The following SHROOM2 variants were observed in gnomAD, a reference collection of about 807,000 sequenced individuals.
SHROOM2 encodes the protein shroom family member 2.
SHROOM2 carries 33 observed loss-of-function variants against 75.9 expected under a neutral mutation model. The ratio of observed to expected loss-of-function variants is 0.43; its 90% confidence interval spans 0.33 to 0.58. SHROOM2 has a LOEUF of 0.58. Among genes scored for constraint, SHROOM2 ranks in the 20% least tolerant of loss-of-function variants. The pLI is 0.04. For missense variants in SHROOM2, 1,434 were observed against 1,461.2 expected (o/e 0.98, Z 0.30); for synonymous variants, 655 against 663.6 (o/e 0.99, Z 0.20).
At chrX:9,881,885 ATCT>A (rs753899871) in intron 2 of SHROOM2, among the ~76,000 whole-genome samples, 4 of 112,489 alleles carry the variant, frequency 3.6e-5, no homozygotes, top group African/African-American at 1.3e-4. Context: ...TATGAAGAGT[ATCT>A]TCTTAACTCT....
intron 1 of SHROOM2, among the ~76,000 whole-genome samples, chrX:9,861,946 C>A (rs5934706): frequency 0.5 from 55,165 of 110,232 alleles, 11,635 homozygotes; most frequent in Non-Finnish European, 0.67. Flanking sequence ...CAGCCAGGAT[C>A]TAGTTAGGAG....
At chrX:9,790,634 G>A (rs2083642421) in intron 1 of SHROOM2, among the ~76,000 whole-genome samples, 1 of 111,336 alleles carries the variant, frequency 9.0e-6, no homozygotes, top group African/African-American at 3.3e-5. Flanking sequence ...ACTTTTTGAT[G>A]CCAGCTACCA....
Position 9,854,273 on chromosome X carries a change from T to C in SHROOM2, c.166-19379T>C, listed in dbSNP as rs1035559496. On this transcript the variant is annotated intron_variant, in intron 1 of 9. Coordinates refer to ENST00000380913, the MANE Select transcript of SHROOM2 (RefSeq NM_001649.4). The stretch of plus-strand genomic sequence containing the variant: ...TGCCACTCAAACCTGTGATTGCCAG[T>C]TTAGGAGAGGCTTTGCCTCTTGGGC... Among the ~76,000 whole-genome samples the C allele has an allele frequency of 1.7e-4, 19 of 112,322 alleles. No homozygotes were observed. The South Asian group carries it at 1.9e-3, about 11-fold the overall frequency.
At chrX:9,839,053 G>T (rs1270765089) in intron 1 of SHROOM2, among the ~76,000 whole-genome samples, 3 of 111,045 alleles carry the variant, frequency 2.7e-5, no homozygotes, top group African/African-American at 9.8e-5. Flanking sequence ...GAGAGCTGGG[G>T]GTATGAAAGG....
At chrX:9,910,986 A>G (rs1177484626) in intron 5 of SHROOM2, among the ~76,000 whole-genome samples, 1 of 110,836 alleles carries the variant, frequency 9.0e-6, no homozygotes, top group Non-Finnish European at 1.9e-5. Context: ...ACCCAGCCCT[A>G]TAATAAAATA....
intron 5 of SHROOM2, among the ~76,000 whole-genome samples, chrX:9,899,471 C>T (rs1076167): frequency 0.52 from 56,979 of 110,176 alleles, 12,091 homozygotes; most frequent in South Asian, 0.69. Context: ...TAAACACTGA[C>T]CTCAAAACTC....
chrX:9,903,574 C>T lies in SHROOM2; in HGVS notation c.2891+5284C>T, dbSNP rs181513440. On this transcript the variant is annotated intron_variant, in intron 5 of 9. Coordinates refer to ENST00000380913, the MANE Select transcript of SHROOM2 (RefSeq NM_001649.4). ...GATGTTGTTTTTTGAGACAGGGTCT[C>T]GCCCTGTCACCCAGGCTGGAGTGCA... is the stretch of plus-strand genomic sequence containing the variant. Among the ~76,000 whole-genome samples, 223 of 111,429 alleles carry T rather than the reference C, an allele frequency of 2.0e-3. 1 individual carries two copies. The highest frequency in any genetic ancestry group is 0.016 in the Admixed American group (168 of 10,548).
rs781713600 is a variant in SHROOM2 at position 9,932,704 on chromosome X, G to A, written c.3421G>A (p.Gly1141Arg). 3.6e-5 allele frequency: 44 copies of A among 1,209,885 alleles called. No homozygotes were observed. Among genetic ancestry groups the A allele is most frequent in the Non-Finnish European group, 4.6e-5 (41 of 895,236 alleles). The change falls in exon 6 of 10, where the codon GGG becomes AGG. Residue 1141 changes from glycine to arginine, a missense_variant. By Grantham distance (125) the Gly-to-Arg change is moderately radical (BLOSUM62 -2). This residue lies in a region of SHROOM2 where 1,340 missense variants were observed against 1,338.3 expected (regional missense o/e 1.00). Coordinates refer to ENST00000380913, the MANE Select transcript of SHROOM2 (RefSeq NM_001649.4). ...TGAGCGTGGAAGCCAGCATGTGAGCGGGGACGCATCACGTCCTCTGCCAGA... is the reference window on the plus strand; with the variant it reads ...TGAGCGTGGAAGCCAGCATGTGAGCAGGGACGCATCACGTCCTCTGCCAGA... ...VCERGSQHVS[G>R]DASRPLPEAL...
intron 1 of SHROOM2, among the ~76,000 whole-genome samples, chrX:9,797,893 CTTGGTTAAAATGCAAATG>C (rs1023300624): frequency 1.8e-5 from 2 of 112,103 alleles, no homozygotes; most frequent in African/African-American, 6.5e-5. Context: ...CTTTAACTGC[CTTGGTTAAAATGCAAATG>C]TTGCCTGGGA....
At chrX:9,804,674 G>A (rs1834689296) in intron 1 of SHROOM2, among the ~76,000 whole-genome samples, 1 of 111,331 alleles carries the variant, frequency 9.0e-6, no homozygotes, top group African/African-American at 3.3e-5. Context: ...GAGCTGGTGG[G>A]TGCAGCTGTC....
chrX:9,787,992 CTT>C (rs58004470), intron 1 of SHROOM2, among the ~76,000 whole-genome samples: 20 of 84,164 alleles, frequency 2.4e-4, no homozygotes, highest in Admixed American at 6.7e-4. Context: ...TTTCTTTCTT[CTT>C]TTTTTTTTTT....
intron 1 of SHROOM2, among the ~76,000 whole-genome samples, chrX:9,836,326 A>C (rs1020956030): frequency 8.9e-6 from 1 of 111,738 alleles, no homozygotes; most frequent in Non-Finnish European, 1.9e-5. Flanking sequence ...GCAGGGCCTC[A>C]GAGATTGCTG....
chrX:9,939,584 G>T (rs1024455002), intron 8 of SHROOM2, among the ~76,000 whole-genome samples: 4 of 112,007 alleles, frequency 3.6e-5, no homozygotes, highest in African/African-American at 1.3e-4. Context: ...ACGTCTCTTT[G>T]CTGTTTCAAT....
At chrX:9,860,472 G>A (rs771768493) in intron 1 of SHROOM2, among the ~76,000 whole-genome samples, 15 of 111,460 alleles carry the variant, frequency 1.3e-4, no homozygotes, top group Non-Finnish European at 2.6e-4. Flanking sequence ...CACCCAGGCT[G>A]CAGTGCAGTG....
At chrX:9,848,959 C>G (rs902003217) in intron 1 of SHROOM2, among the ~76,000 whole-genome samples, 1 of 111,689 alleles carries the variant, frequency 9.0e-6, no homozygotes, top group Non-Finnish European at 1.9e-5. Context: ...ACCGTCCACT[C>G]AGGTAAACAT....
Position 9,854,837 on chromosome X carries a change from G to T in SHROOM2, c.166-18815G>T, listed in dbSNP as rs188875487. Among the ~76,000 whole-genome samples, 299 of 110,169 alleles carry T rather than the reference G, an allele frequency of 2.7e-3. 3 individuals are homozygous for T. Among genetic ancestry groups the T allele is most frequent in the East Asian group, 0.02 (69 of 3,485 alleles). ...AGGAGAAACAGAAACACGGGAGTTG[G>T]GCCTTATTGCAGACTCCTCCTCGGT... On this transcript the variant is annotated intron_variant, in intron 1 of 9. Transcript: ENST00000380913.
At chrX:9,841,213 C>T (rs1342590550) in intron 1 of SHROOM2, among the ~76,000 whole-genome samples, 1 of 110,475 alleles carries the variant, frequency 9.1e-6, no homozygotes, top group African/African-American at 3.3e-5. Flanking sequence ...GCCTCGGCCT[C>T]CCAAAGTGCT....
At chrX:9,873,165 T>G (rs1439311527) in intron 1 of SHROOM2, among the ~76,000 whole-genome samples, 2 of 111,897 alleles carry the variant, frequency 1.8e-5, no homozygotes, top group Non-Finnish European at 3.8e-5. Context: ...AAGGTTTCTT[T>G]CGGGGTTAGG....
intron 1 of SHROOM2, among the ~76,000 whole-genome samples, chrX:9,822,527 C>T (rs1275207842): frequency 2.7e-5 from 3 of 112,623 alleles, no homozygotes; most frequent in Non-Finnish European, 3.8e-5. Flanking sequence ...GCACAGTATC[C>T]GCATCTGGTG....
Sources: allele counts gnomAD v4.1 joint callset (sites outside exome capture counted in the v4.1 genomes callset), GRCh38; gene constraint gnomAD v4.1.1; regional missense constraint gnomAD v4.1.1; transcripts MANE v1.5; gene names NCBI Gene and HGNC (gene_info 2026-07-23, HGNC 2026-07-21).